The following MYO7B variants were observed in gnomAD, a reference collection of about 807,000 sequenced individuals.
The protein encoded by MYO7B is myosin VIIB, also known as unconventional myosin-VIIb.
MYO7B carries 212 observed loss-of-function variants against 259.7 expected under a neutral mutation model. The ratio of observed to expected loss-of-function variants is 0.82; its 90% CI spans 0.73 to 0.91. MYO7B has a LOEUF of 0.91. Ranked by LOEUF, MYO7B falls within the 40% of genes least tolerant of loss-of-function variation. The probability of loss-of-function intolerance (pLI) is 0.00; values close to 1 mark genes in which losing one functional copy is unlikely to be tolerated. For missense variants in MYO7B, 2,732 were observed against 2,813.5 expected (o/e 0.97, Z 0.66); for synonymous variants, 1,197 against 1,166.4 (o/e 1.03, Z -0.54).
intron 3 of MYO7B, among the ~76,000 whole-genome samples, chr2:127,564,627 T>C (rs1295867450): frequency 6.6e-6 from 1 of 151,508 alleles, no homozygotes; most frequent in Non-Finnish European, 1.5e-5. Context: ...GGCCCGGGAG[T>C]GACCAGCTCG....
In MYO7B at chr2:127,607,311, A is replaced by G. The variant is rs750809938; in HGVS notation, c.2530A>G (p.Arg844Gly). 3.5e-5 allele frequency: 55 copies of G among 1,551,294 alleles called. No individual in the cohort carries two copies. Among genetic ancestry groups the G allele is most frequent in the South Asian group, 1.1e-4 (9 of 84,070 alleles). The change falls in exon 21 of 48, where the codon AGG becomes GGG. Residue 844 changes from arginine (R) to glycine (G), a missense_variant. By Grantham distance (125) the Arg-to-Gly change is moderately radical (BLOSUM62 -2). Coordinates refer to ENST00000409816, the MANE Select transcript of MYO7B (RefSeq NM_001393586.1). This position sits in a 1 kb window ranked among gnomAD's most constrained non-coding sequence, Gnocchi z 4.4. Reference protein sequence around the residue: ...QRTVQLQALCRGYLVRQQVQA... With the variant: ...QRTVQLQALCGGYLVRQQVQA... Reference sequence around the variant, plus strand: ...GACAGTCCAGCTGCAGGCCCTGTGCAGGGGATACCTGGTGCGCCAGCAAGT... The same window carrying G: ...GACAGTCCAGCTGCAGGCCCTGTGCGGGGGATACCTGGTGCGCCAGCAAGT...
rs757840564 is a variant in MYO7B at position 127,632,330 on chromosome 2, G to T, written c.5334G>T (p.Gln1778His). ...PPSKGLLPHA[Q>H]KFIDTRRGKL... is the part of the protein sequence containing the mutation. The stretch of plus-strand genomic sequence containing the variant: ...GCAAGGGGCTGCTGCCCCATGCCCA[G>T]AAGTTTATAGACACTCGGAGGGGGA... The change falls in exon 39 of 48, where the codon CAG becomes CAT. Residue 1778 changes from glutamine (Q) to histidine (H), a missense_variant. This residue lies in a region of MYO7B where 821 missense variants were observed against 769.3 expected (regional missense o/e 1.07). Coordinates refer to ENST00000409816, the MANE Select transcript of MYO7B (RefSeq NM_001393586.1). 1 of 1,608,406 alleles carries T rather than the reference G, an allele frequency of 6.2e-7. No individual in the cohort carries two copies. The highest frequency in any genetic ancestry group is 8.5e-7 in the Non-Finnish European group (1 of 1,178,014).
At chr2:127,578,618 C>T (rs1015694353) in intron 9 of MYO7B, among the ~76,000 whole-genome samples, 1 of 152,136 alleles carries the variant, frequency 6.6e-6, no homozygotes, top group Non-Finnish European at 1.5e-5. Context: ...AAGGGGTGGT[C>T]TGGGGATTAA....
rs138834162 is a variant in MYO7B at position 127,623,025 on chromosome 2, AT to A, written c.3646-173del. Among the ~76,000 whole-genome samples, 356 of 152,158 alleles carry A rather than the reference AT, an allele frequency of 2.3e-3. 3 individuals are homozygous for A. The highest frequency in any genetic ancestry group is 8.4e-3 in the African/African-American group (348 of 41,516). On this transcript the variant is annotated intron_variant, in intron 28 of 47. Coordinates refer to ENST00000409816, the MANE Select transcript of MYO7B (RefSeq NM_001393586.1). ...CAGCGGCAAACACCTGTTGGCCTGA[AT>A]TTTGTTTTCTATGCCAAGCCCATGG...
intron 1 of MYO7B, among the ~76,000 whole-genome samples, chr2:127,536,659 C>T (rs997027676): frequency 4.6e-5 from 7 of 152,188 alleles, no homozygotes; most frequent in Admixed American, 3.3e-4. Flanking sequence ...CAACCCAGAT[C>T]CCCCAAATTC....
rs527270567 is a variant in MYO7B at position 127,625,795 on chromosome 2, C to T, written c.4215+260C>T. On this transcript the variant is annotated intron_variant, in intron 31 of 47. Coordinates refer to ENST00000409816, the MANE Select transcript of MYO7B (RefSeq NM_001393586.1). The stretch of plus-strand genomic sequence containing the variant: ...GGATGGGTCCCTGTGCTGGTCTGCA[C>T]TGTGGTGTCTGGCCAGGCCCTCGCT... 1.8e-4 allele frequency among the ~76,000 whole-genome samples: 27 copies of T among 152,304 alleles called. No homozygotes were observed. In the South Asian group the frequency reaches 5.4e-3, roughly 30 times the overall value.
intron 39 of MYO7B, 102 bp from the exon 40 acceptor site, chr2:127,633,156 T>G: frequency 1.1e-6 from 1 of 897,958 alleles, no homozygotes; most frequent in Non-Finnish European, 1.7e-6. Flanking sequence ...CACTGGGGTT[T>G]TCTTTTGTTT....
Position 127,584,459 on chromosome 2 carries a change from C to A in MYO7B, c.1554+127C>A. On this transcript the variant is annotated intron_variant, in intron 13 of 47. Transcript: ENST00000409816. This position sits in a 1 kb window ranked among gnomAD's most constrained non-coding sequence, Gnocchi z 5.8. ...CACTAAAACCTCTGCCAGGAATAAGCAGAAGAGCCTCAGTCTAACCAGACA... is the reference window on the plus strand; with the variant it reads ...CACTAAAACCTCTGCCAGGAATAAGAAGAAGAGCCTCAGTCTAACCAGACA... The A allele has an allele frequency of 9.6e-7, 1 of 1,044,266 alleles. No individual in the cohort carries two copies. The highest frequency in any genetic ancestry group is 1.6e-5 in the South Asian group (1 of 62,632). The allele number at this position is 1,044,266 out of a possible 1,614,324, so 64.7% of individuals were successfully genotyped here. A position where few individuals can be genotyped will look rare whatever the true frequency, so the allele number is the denominator to read the frequency against.
rs1681701875 is a variant in MYO7B at position 127,634,675 on chromosome 2, A to G, written c.5705A>G (p.Gln1902Arg). Residue 1902 changes from glutamine to arginine, a missense_variant, in exon 42 of 48, where the codon CAG becomes CGG. This residue lies in a region of MYO7B where 821 missense variants were observed against 769.3 expected (regional missense o/e 1.07). Coordinates refer to ENST00000409816, the MANE Select transcript of MYO7B (RefSeq NM_001393586.1). ...VSDWVKKNKP[Q>R]KEGAPVTLPY... ...GACTGGGTGAAGAAGAACAAGCCCC[A>G]GAAAGAAGGTGAGGAGGCCTCTGTG... 6.2e-7 allele frequency: 1 copy of G among 1,610,242 alleles called. No homozygotes were observed. The highest frequency in any genetic ancestry group is 1.7e-5 in the Admixed American group (1 of 59,660).
At position 127,631,190 on chromosome 2, in the gene MYO7B, G is replaced by C; in HGVS notation, c.4938-16G>C. 1.3e-6 allele frequency: 2 copies of C among 1,583,562 alleles called. No individual in the cohort carries two copies. Among genetic ancestry groups the C allele is most frequent in the Non-Finnish European group, 1.7e-6 (2 of 1,160,056 alleles). ...AGGCCACAGGGCAGGCCTCACACCA[G>C]CCTCTAACCTCACAGGGCTCCAGAG... is the stretch of plus-strand genomic sequence containing the variant. On this transcript the variant is annotated splice_polypyrimidine_tract_variant and intron_variant, in intron 36 of 47. Coordinates refer to ENST00000409816, the MANE Select transcript of MYO7B (RefSeq NM_001393586.1).
At position 127,569,923 on chromosome 2, in the gene MYO7B, C is replaced by A; in HGVS notation, c.592+13C>A. On this transcript the variant is annotated intron_variant, in intron 6 of 47. Coordinates refer to ENST00000409816, the MANE Select transcript of MYO7B (RefSeq NM_001393586.1). The stretch of plus-strand genomic sequence containing the variant: ...CCCATCCTGGAGGGTAAGCATCACT[C>A]TGGGACCCGCCCTTCTCCCCCAGCC... The A allele has an allele frequency of 6.2e-7, 1 of 1,605,622 alleles. No individual in the cohort carries two copies. Among genetic ancestry groups the A allele is most frequent in the Non-Finnish European group, 8.5e-7 (1 of 1,175,054 alleles).
chr2:127,581,614 C>G (rs1679101132), intron 10 of MYO7B, among the ~76,000 whole-genome samples: 1 of 152,168 alleles, frequency 6.6e-6, no homozygotes, highest in Non-Finnish European at 1.5e-5. Flanking sequence ...GAGGTCTGGC[C>G]TCAGATCCCT....
At position 127,631,229 on chromosome 2, in the gene MYO7B, G is replaced by C; in HGVS notation, c.4961G>C (p.Ser1654Thr). 3 of 1,607,568 alleles carry C rather than the reference G, an allele frequency of 1.9e-6. No individual in the cohort carries two copies. Among genetic ancestry groups the C allele is most frequent in the Non-Finnish European group, 2.6e-6 (3 of 1,176,056 alleles). Residue 1654 changes from serine to threonine, a missense_variant, in exon 37 of 48, where the codon AGC becomes ACC. By Grantham distance (58) the Ser-to-Thr change is moderately conservative. This residue lies in a region of MYO7B where 821 missense variants were observed against 769.3 expected (regional missense o/e 1.07). Transcript: ENST00000409816. ...AGGGCTCCAGAGAAGGACATGGTGA[G>C]CATGGCCGTGCTGCCCCTGGCCCGT... ...FFRAPEKDMV[S>T]MAVLPLARAR...
At chr2:127,629,078 CT>C (rs778584554) in intron 34 of MYO7B, among the ~76,000 whole-genome samples, 27 of 152,288 alleles carry the variant, frequency 1.8e-4, no homozygotes, top group Non-Finnish European at 2.8e-4. Context: ...GGCCAGCCTG[CT>C]GGCCGGGTGG....
At position 127,605,888 on chromosome 2, in the gene MYO7B, C is replaced by A; in HGVS notation, c.2384C>A (p.Ala795Asp). 1 of 1,613,782 alleles carries A rather than the reference C, an allele frequency of 6.2e-7. No homozygotes were observed. Among genetic ancestry groups the A allele is most frequent in the Non-Finnish European group, 8.5e-7 (1 of 1,179,866 alleles). ...RQRRAAVTLQAWWRGYCNRRN... is the reference protein window; with the variant it reads ...RQRRAAVTLQDWWRGYCNRRN... ...AGGCGGGCAGCTGTGACCCTGCAGGCCTGGTGGAGAGGCTACTGCAACAGG... is the reference window on the plus strand; with the variant it reads ...AGGCGGGCAGCTGTGACCCTGCAGGACTGGTGGAGAGGCTACTGCAACAGG... The change falls in exon 20 of 48, where the codon GCC (alanine) becomes GAC (aspartate). Residue 795 changes from alanine to aspartate, a missense_variant. Ala to Asp is a moderately radical substitution (Grantham distance 126). Around this residue, in one of 3 missense-constraint regions of MYO7B, gnomAD observed 1,906 missense variants for 2,026.4 expected, o/e 0.94. Transcript: ENST00000409816.
intron 1 of MYO7B, among the ~76,000 whole-genome samples, chr2:127,551,977 T>A (rs1438352939): frequency 6.6e-6 from 1 of 151,948 alleles, no homozygotes; most frequent in Non-Finnish European, 1.5e-5. Context: ...GTGGAATACA[T>A]CCCCAGCCCT....
chr2:127,629,373 G>A, intron 34 of MYO7B, among the ~76,000 whole-genome samples: 1 of 152,140 alleles, frequency 6.6e-6, no homozygotes, highest in East Asian at 1.9e-4. Flanking sequence ...CCTGGCTCCT[G>A]GTCAGCCCTC....
intron 19 of MYO7B, among the ~76,000 whole-genome samples, chr2:127,604,088 A>G (rs1251548160): frequency 1.3e-5 from 2 of 152,162 alleles, no homozygotes; most frequent in Admixed American, 6.5e-5. Context: ...AGCTGAGATC[A>G]CGCCACTGCA....
chr2:127,622,737 C>T lies in MYO7B; in HGVS notation c.3646-465C>T, dbSNP rs530088571. 2.1e-3 allele frequency among the ~76,000 whole-genome samples: 319 copies of T among 152,326 alleles called. 3 individuals are homozygous for T. The highest frequency in any genetic ancestry group is 6.8e-3 in the African/African-American group (284 of 41,572). Reference sequence around the variant, plus strand: ...CCGAGCCCACAGGGGCTCCCTCCCACGAGCCCTGGAATTGTAGGTGAACTT... The same window carrying T: ...CCGAGCCCACAGGGGCTCCCTCCCATGAGCCCTGGAATTGTAGGTGAACTT... On this transcript the variant is annotated intron_variant, in intron 28 of 47. Coordinates refer to ENST00000409816, the MANE Select transcript of MYO7B (RefSeq NM_001393586.1).
Sources: allele counts gnomAD v4.1 joint callset (sites outside exome capture counted in the v4.1 genomes callset), GRCh38; gene constraint gnomAD v4.1.1; regional missense constraint gnomAD v4.1.1; non-coding constraint Gnocchi (gnomAD v3.1); transcripts MANE v1.5; gene names NCBI Gene and HGNC (gene_info 2026-07-23, HGNC 2026-07-21).